Variants in HPSE observed in about 807,000 individuals in gnomAD.
HPSE encodes heparanase.
A neutral mutation model predicts 65.1 loss-of-function variants in HPSE; 48 were observed. That is an observed-to-expected ratio of 0.74 (90% confidence interval 0.58 to 0.94). The LOEUF is 0.94. Among genes scored for constraint, HPSE ranks in the 40% least tolerant of loss-of-function variants. The pLI is 0.00. For synonymous variants in HPSE, 243 were observed against 260.0 expected, an observed-to-expected ratio of 0.93 and a Z score of 0.63; for missense variants, 644 against 637.5, an observed-to-expected ratio of 1.01 and a Z score of -0.11.
rs375299561 is a variant in HPSE at position 83,320,008 on chromosome 4, C to A, written c.374-539G>T. 4.1e-3 allele frequency among the ~76,000 whole-genome samples: 489 copies of A among 119,916 alleles called. 2 individuals carry two copies. The highest frequency in any genetic ancestry group is 6.3e-3 in the Middle Eastern group (1 of 158). The allele number at this position is 119,916 out of a possible 152,430, so 78.7% of individuals were successfully genotyped here. ...GCACTCCAGCCTGGGTGACACTGGG[C>A]GACAAAGCGAGACACTGTCTAAAAA... On this transcript the variant is annotated intron_variant, in intron 2 of 11. Transcript: ENST00000311412.
intron 11 of HPSE, among the ~76,000 whole-genome samples, chr4:83,297,715 C>T (rs1194279913): frequency 6.6e-6 from 1 of 152,120 alleles, no homozygotes; most frequent in Non-Finnish European, 1.5e-5. Context: ...GTTAGCATGC[C>T]TGCATTGCAG....
chr4:83,302,302 A>G lies in HPSE; in HGVS notation c.1207-34T>C, dbSNP rs79283285. 12,336 of 1,364,314 alleles carry G rather than the reference A, an allele frequency of 9.0e-3. 738 individuals carry two copies. The African/African-American group carries it at 0.14, about 15-fold the overall frequency. The allele number at this position is 1,364,314 out of a possible 1,614,324, so 84.5% of individuals were successfully genotyped here. A position where few individuals can be genotyped will look rare whatever the true frequency, so the allele number is the denominator to read the frequency against. The stretch of plus-strand genomic sequence containing the variant: ...GGTGGTTGGGGAGAAAGAGACAAAA[A>G]TAGATGTTTACTTATGTCCTTATTT... On this transcript the variant is annotated intron_variant, in intron 9 of 11. Transcript: ENST00000311412.
Position 83,326,497 on chromosome 4 carries a change from G to A in HPSE, c.228-4133C>T, listed in dbSNP as rs1737160951. Among the ~76,000 whole-genome samples, 1 of 152,182 alleles carries A rather than the reference G, an allele frequency of 6.6e-6. No homozygotes were observed. Among genetic ancestry groups the A allele is most frequent in the Non-Finnish European group, 1.5e-5 (1 of 68,042 alleles). ...TGGGGAGGAACAGGGAGGAGAAGGGGCACTAAGTTTTGTAGAATTTGAGAT... is the reference window on the plus strand; with the variant it reads ...TGGGGAGGAACAGGGAGGAGAAGGGACACTAAGTTTTGTAGAATTTGAGAT... On this transcript the variant is annotated intron_variant, in intron 1 of 11. Transcript: ENST00000311412. The surrounding 1 kb of genome is among the most constrained non-coding windows in gnomAD (Gnocchi z 4.2).
intron 2 of HPSE, among the ~76,000 whole-genome samples, chr4:83,320,746 C>T (rs2126194077): frequency 6.6e-6 from 1 of 152,240 alleles, no homozygotes; most frequent in South Asian, 2.1e-4. Context: ...CATCCCTGGG[C>T]TCACAGAGGA....
intron 4 of HPSE, among the ~76,000 whole-genome samples, chr4:83,311,973 G>T (rs1462916901): frequency 3.3e-5 from 5 of 152,274 alleles, no homozygotes; most frequent in African/African-American, 1.2e-4. Flanking sequence ...AAAAAAGAGT[G>T]AAGAAGGAGA....
intron 1 of HPSE, among the ~76,000 whole-genome samples, chr4:83,332,607 G>A (rs1163312290): frequency 1.3e-5 from 2 of 152,226 alleles, no homozygotes; most frequent in Admixed American, 6.5e-5. Flanking sequence ...GGGAAAAAAG[G>A]GTGCTCTGGG....
chr4:83,297,310 A>C (rs1038216634), intron 11 of HPSE, among the ~76,000 whole-genome samples: 1 of 151,466 alleles, frequency 6.6e-6, no homozygotes, highest in African/African-American at 2.4e-5. Flanking sequence ...ATGTATCCCC[A>C]TCATTAAGCA....
intron 11 of HPSE, among the ~76,000 whole-genome samples, chr4:83,299,425 A>G (rs549240103): frequency 6.6e-6 from 1 of 150,894 alleles, no homozygotes; most frequent in East Asian, 1.9e-4. Flanking sequence ...GCTATGTTGG[A>G]AAGGCTCTTG....
At chr4:83,327,612 C>T (rs1737203090) in intron 1 of HPSE, among the ~76,000 whole-genome samples, 1 of 152,142 alleles carries the variant, frequency 6.6e-6, no homozygotes, top group African/African-American at 2.4e-5. Context: ...AAAAGGGGGC[C>T]TGCAGGTGTT....
chr4:83,312,862 A>T (rs1189486337), intron 4 of HPSE, among the ~76,000 whole-genome samples: 1 of 134,922 alleles, frequency 7.4e-6, no homozygotes, highest in Non-Finnish European at 1.6e-5. Context: ...AAAAAAAAAA[A>T]AAAAAAAAAA....
In HPSE at chr4:83,312,656, C is replaced by T. The variant is rs367635525; in HGVS notation, c.673+458G>A. On this transcript the variant is annotated intron_variant, in intron 4 of 11. Coordinates refer to ENST00000311412, the MANE Select transcript of HPSE (RefSeq NM_001098540.3). ...TGGCGCCACTGCACTCCAGCCTGGG[C>T]GACAGAGCGAGACTCCGTCTCAAAA... Among the ~76,000 whole-genome samples, 70 of 123,320 alleles carry T rather than the reference C, an allele frequency of 5.7e-4. No individual in the cohort carries two copies. The East Asian group carries it at 0.015, about 27-fold the overall frequency. 80.9% of individuals were successfully genotyped at this position (123,320 alleles called of 152,430 possible). A position where few individuals can be genotyped will look rare whatever the true frequency, so the allele number is the denominator to read the frequency against.
At position 83,326,406 on chromosome 4, in the gene HPSE, C is replaced by T. The variant is rs1479778404; in HGVS notation, c.228-4042G>A. Among the ~76,000 whole-genome samples, 3 of 152,034 alleles carry T rather than the reference C, an allele frequency of 2.0e-5. No individual in the cohort carries two copies. Among genetic ancestry groups the T allele is most frequent in the Non-Finnish European group, 4.4e-5 (3 of 68,014 alleles). On this transcript the variant is annotated intron_variant, in intron 1 of 11. Transcript: ENST00000311412. This position sits in a 1 kb window ranked among gnomAD's most constrained non-coding sequence, Gnocchi z 4.2. The stretch of plus-strand genomic sequence containing the variant: ...TGTTGAGGAGGAGTCAAGGATTACT[C>T]CTGGGAAGCTCCTTGGAAGATGGTA...
chr4:83,318,544 T>C (rs1023019779), intron 3 of HPSE, among the ~76,000 whole-genome samples: 2 of 151,998 alleles, frequency 1.3e-5, no homozygotes, highest in African/African-American at 4.8e-5. Context: ...AATAATATGA[T>C]CGGGGGTAAT....
chr4:83,319,194 G>A (rs917791958), intron 3 of HPSE, 150 bp downstream of exon 3: 1 of 776,954 alleles, frequency 1.3e-6, no homozygotes, highest in Non-Finnish European at 2.1e-6. Flanking sequence ...CAAAAAGCAA[G>A]TTTTGAGTTT....
Position 83,301,119 on chromosome 4 carries a change from A to G in HPSE, c.1326-13T>C, listed in dbSNP as rs1425231103. The G allele has an allele frequency of 2.6e-6, 4 of 1,531,320 alleles. No individual in the cohort carries two copies. The highest frequency in any genetic ancestry group is 3.5e-6 in the Non-Finnish European group (4 of 1,129,570). The allele number at this position is 1,531,320 out of a possible 1,614,324, so 94.9% of individuals were successfully genotyped here. On this transcript the variant is annotated splice_polypyrimidine_tract_variant and intron_variant, in intron 10 of 11. Transcript: ENST00000311412. ...TTTATACCTTGGACTAAAAGCAAAG[A>G]GGTTAACTTAATAGAAATATGTATC...
At chr4:83,311,865 T>G (rs1352841942) in intron 4 of HPSE, among the ~76,000 whole-genome samples, 1 of 152,110 alleles carries the variant, frequency 6.6e-6, no homozygotes, top group African/African-American at 2.4e-5. Context: ...CATTTAATCC[T>G]TATTTCCATT....
intron 4 of HPSE, among the ~76,000 whole-genome samples, chr4:83,311,399 T>G (rs1202733312): frequency 6.6e-6 from 1 of 152,152 alleles, no homozygotes; most frequent in African/African-American, 2.4e-5. Flanking sequence ...AACTGAGATA[T>G]GAGGGTCTAT....
At chr4:83,331,465 T>G (rs1737370950) in intron 1 of HPSE, among the ~76,000 whole-genome samples, 1 of 152,192 alleles carries the variant, frequency 6.6e-6, no homozygotes, top group Admixed American at 6.5e-5. Context: ...GAGGCCCACA[T>G]TATATTATAT....
Position 83,334,807 on chromosome 4 carries a change from C to A in HPSE, c.-25G>T, listed in dbSNP as rs748511244. On this transcript the variant is annotated 5_prime_UTR_variant, in exon 1 of 12. Coordinates refer to ENST00000311412, the MANE Select transcript of HPSE (RefSeq NM_001098540.3). ...TCTTGGGCTCACCTGGCTGCTCCCC[C>A]CGCCAGCTGCCGCGCAGCGGAGAGT... The A allele has an allele frequency of 3.4e-6, 5 of 1,486,748 alleles. No homozygotes were observed. The highest frequency in any genetic ancestry group is 5.0e-5 in the East Asian group (2 of 40,330). The allele number at this position is 1,486,748 out of a possible 1,614,324, so 92.1% of individuals were successfully genotyped here.
Sources: gnomAD v4.1 joint callset for allele counts (sites outside exome capture counted in the v4.1 genomes callset) on GRCh38, gnomAD v4.1.1 for gene constraint, Gnocchi (gnomAD v3.1) non-coding constraint, MANE v1.5 for transcripts, NCBI Gene and HGNC (gene_info 2026-07-23, HGNC 2026-07-21) for gene names.